Variants in HAS1 observed in about 807,000 individuals in gnomAD.
HAS1 encodes hyaluronan synthase 1.
HAS1 carries 27 observed loss-of-function variants against 35.0 expected under a neutral mutation model. The observed-to-expected ratio is 0.77, with a 90% CI of 0.57 to 1.06. The LOEUF is 1.06. HAS1 is among the 50% of genes least tolerant of loss of function. The probability of loss-of-function intolerance (pLI) is 0.00; values close to 1 mark genes in which losing one functional copy is unlikely to be tolerated. For synonymous variants in HAS1, 409 were observed against 371.2 expected, an observed-to-expected ratio of 1.10 and a Z score of -1.17; for missense variants, 940 against 814.8, an observed-to-expected ratio of 1.15 and a Z score of -1.87.
At chr19:51,714,143 C>G in intron 4 of HAS1, 41 bp from the exon 5 acceptor site, 1 of 1,581,940 alleles carries the variant, frequency 6.3e-7, no homozygotes, top group East Asian at 2.3e-5. Flanking sequence ...CGCGTGCTCC[C>G]TGGGGCCTGG....
chr19:51,722,200 A>G (rs924726451), intron 1 of HAS1, among the ~76,000 whole-genome samples: 9 of 152,214 alleles, frequency 5.9e-5, no homozygotes, highest in Non-Finnish European at 1.0e-4. Context: ...AAATGCAGCC[A>G]GTATCACCGA....
chr19:51,723,008 G>A (rs1463693082), intron 1 of HAS1, among the ~76,000 whole-genome samples: 8 of 152,020 alleles, frequency 5.3e-5, no homozygotes. Context: ...CTTTCTTCTC[G>A]AATCCCCCTT....
Position 51,719,646 on chromosome 19 carries a change from GC to G in HAS1, c.258del (p.Pro87ArgfsTer12). On this transcript the variant is annotated frameshift_variant, in exon 2 of 5. Coordinates refer to ENST00000540069, the MANE Select transcript of HAS1 (RefSeq NM_001297436.2). LOFTEE classifies it high-confidence loss of function. ...CTGCGCGCGGTGGCTGCATCCAGCG[GC>G]CCCCGCGCCGCCGCCGCCACCCGCC... ...EHRRVAAAAR[G>X]PLDAATARSV... 1 of 1,537,526 alleles carries G rather than the reference GC, an allele frequency of 6.5e-7. No homozygotes were observed. The highest frequency in any genetic ancestry group is 1.4e-5 in the African/African-American group (1 of 72,130).
Position 51,719,906 on chromosome 19 carries a change from C to T in HAS1, c.10-11G>A, listed in dbSNP as rs750030433. On this transcript the variant is annotated splice_polypyrimidine_tract_variant and intron_variant, in intron 1 of 4. Transcript: ENST00000540069. ...GGGCTTGGGCGCGTCCTGCTGGGAG[C>T]GAGAGGGGAAAGGAAGGGGCATGAG... 2.0e-6 allele frequency: 3 copies of T among 1,520,442 alleles called. No homozygotes were observed. Among genetic ancestry groups the T allele is most frequent in the South Asian group, 2.4e-5 (2 of 82,710 alleles). The allele number at this position is 1,520,442 out of a possible 1,614,324, so 94.2% of individuals were successfully genotyped here. A position where few individuals can be genotyped will look rare whatever the true frequency, so the allele number is the denominator to read the frequency against.
rs774723725 is a variant in HAS1, at chr19:51,713,773, T to C, written c.1388A>G (p.Tyr463Cys). The change falls in exon 5 of 5, where the codon TAC becomes TGC. Residue 463 changes from tyrosine to cysteine, a missense_variant. Physicochemically the swap from Tyr to Cys is radical, Grantham distance 194. Transcript: ENST00000540069. The surrounding 1 kb of genome is among the most constrained non-coding windows in gnomAD (Gnocchi z 4.5). ...GCLRMVLLSLYAPLYMCGLLP... is the reference protein window; with the variant it reads ...GCLRMVLLSLCAPLYMCGLLP... ...GAGGCCACACATGTAGAGGGGCGCGTAGAGCGACAGAAGCACCATGCGCAG... is the reference window on the plus strand; with the variant it reads ...GAGGCCACACATGTAGAGGGGCGCGCAGAGCGACAGAAGCACCATGCGCAG... 4 of 1,604,990 alleles carry C rather than the reference T, an allele frequency of 2.5e-6. No homozygotes were observed. The highest frequency in any genetic ancestry group is 2.3e-5 in the East Asian group (1 of 44,390).
chr19:51,713,576 T>TC lies in HAS1; in HGVS notation c.1584dup (p.Ser529GlufsTer138). 1 of 1,567,304 alleles carries TC rather than the reference T, an allele frequency of 6.4e-7. No individual in the cohort carries two copies. The highest frequency in any genetic ancestry group is 1.2e-5 in the South Asian group (1 of 86,916). On this transcript the variant is annotated frameshift_variant, in exon 5 of 5. Transcript: ENST00000540069. LOFTEE classifies it low-confidence loss of function (END_TRUNC). This position sits in a 1 kb window ranked among gnomAD's most constrained non-coding sequence, Gnocchi z 4.5. ...GCCTCGGCTGCGCGGGAAGGGCCGC[T>TC]CCAGTCGGCCCTGGCCTCGTGTGCT... is the stretch of plus-strand genomic sequence containing the variant.
In HAS1 at chr19:51,716,335, T is replaced by G; in HGVS notation, c.979A>C (p.Lys327Gln). ...QQFLEAWYNQ[K>Q]FLGTHCTFGD... The stretch of plus-strand genomic sequence containing the variant: ...AAAGTACAGTGGGTACCCAGGAACT[T>G]CTGGTTGTACCAGGCCTCAAGAAAC... The change falls in exon 4 of 5, where the codon AAG (lysine) becomes CAG (glutamine). Residue 327 changes from lysine to glutamine, a missense_variant. Coordinates refer to ENST00000540069, the MANE Select transcript of HAS1 (RefSeq NM_001297436.2). 6.2e-7 allele frequency: 1 copy of G among 1,613,790 alleles called. No individual in the cohort carries two copies. Among genetic ancestry groups the G allele is most frequent in the South Asian group, 1.1e-5 (1 of 91,078 alleles).
intron 1 of HAS1, among the ~76,000 whole-genome samples, chr19:51,721,738 C>G (rs112341682): frequency 8.9e-4 from 135 of 152,182 alleles, no homozygotes; most frequent in African/African-American, 3.2e-3. Flanking sequence ...TACACTTCAG[C>G]CTGGGTGACA....
At chr19:51,717,625 C>A (rs2083596359) in intron 2 of HAS1, among the ~76,000 whole-genome samples, 1 of 152,238 alleles carries the variant, frequency 6.6e-6, no homozygotes, top group Non-Finnish European at 1.5e-5. Context: ...CCTTTAAAAG[C>A]AGACCTAGAA....
chr19:51,719,122 A>G (rs919726025), intron 2 of HAS1, 84 bp downstream of exon 2: 1 of 786,444 alleles, frequency 1.3e-6, no homozygotes, highest in Non-Finnish European at 2.0e-6. Context: ...AGAGTCATTC[A>G]AATCTGTACA....
chr19:51,716,922 C>T, intron 3 of HAS1, 46 bp downstream of exon 3: 3 of 1,328,312 alleles, frequency 2.3e-6, no homozygotes, highest in Non-Finnish European at 3.3e-6. Context: ...TTCCCTTCTC[C>T]CTTTCCACCC....
At chr19:51,717,288 T>C (rs2083594249) in intron 2 of HAS1, 95 bp from the exon 3 acceptor site, 1 of 768,188 alleles carries the variant, frequency 1.3e-6, no homozygotes, top group African/African-American at 1.7e-5. Context: ...GCTGGGGCAC[T>C]CTGCAACCGA....
At position 51,713,987 on chromosome 19, in the gene HAS1, A is replaced by C. The variant is rs780675552; in HGVS notation, c.1174T>G (p.Trp392Gly). 6.2e-7 allele frequency: 1 copy of C among 1,613,750 alleles called. No individual in the cohort carries two copies. The highest frequency in any genetic ancestry group is 8.5e-7 in the Non-Finnish European group (1 of 1,180,010). ...YFREWLYNAL[W>G]WHRHHAWMTY... is the part of the protein sequence containing the mutation. ...ATCCACGCATGGTGCCGGTGCCACC[A>C]GAGCGCGTTGTACAGCCACTCACGG... Residue 392 changes from tryptophan (W) to glycine (G), a missense_variant, in exon 5 of 5, where the codon TGG becomes GGG. Trp to Gly is a radical substitution (Grantham distance 184). Coordinates refer to ENST00000540069, the MANE Select transcript of HAS1 (RefSeq NM_001297436.2). This position sits in a 1 kb window ranked among gnomAD's most constrained non-coding sequence, Gnocchi z 4.5.
rs780970564 is a variant in HAS1, at chr19:51,713,564, G to C, written c.1597C>G (p.Arg533Gly). 2 of 1,574,630 alleles carry C rather than the reference G, an allele frequency of 1.3e-6. No individual in the cohort carries two copies. Among genetic ancestry groups the C allele is most frequent in the South Asian group, 2.3e-5 (2 of 87,404 alleles). ...EARADWSGPSRAAEAYHLAAG... is the reference protein window; with the variant it reads ...EARADWSGPSGAAEAYHLAAG... ...GCCAAGTGGTAGGCCTCGGCTGCGC[G>C]GGAAGGGCCGCTCCAGTCGGCCCTG... The change falls in exon 5 of 5, where the codon CGC becomes GGC. Residue 533 changes from arginine (R) to glycine (G), a missense_variant. Physicochemically the swap from Arg to Gly is moderately radical, Grantham distance 125. Coordinates refer to ENST00000540069, the MANE Select transcript of HAS1 (RefSeq NM_001297436.2). The surrounding 1 kb of genome is among the most constrained non-coding windows in gnomAD (Gnocchi z 4.5).
intron 4 of HAS1, 39 bp from the exon 5 acceptor site, chr19:51,714,141 C>G: frequency 6.3e-7 from 1 of 1,586,918 alleles, no homozygotes; most frequent in Non-Finnish European, 8.6e-7. Flanking sequence ...ATCGCGTGCT[C>G]CCTGGGGCCT....
Position 51,719,850 on chromosome 19 carries a change from C to A in HAS1, c.55G>T (p.Ala19Ser). Residue 19 changes from alanine to serine, a missense_variant, in exon 2 of 5, where the codon GCC becomes TCC. By Grantham distance (99) the Ala-to-Ser change is moderately conservative (BLOSUM62 1). Coordinates refer to ENST00000540069, the MANE Select transcript of HAS1 (RefSeq NM_001297436.2). ...AAGGCGATGGTCAGCACCCTCCGGG[C>A]CAGGCCGGAGCAGCGGCAGGCTGCA... The part of the protein sequence containing the change: ...TPAACRCSGL[A>S]RRVLTIAFAL... The A allele has an allele frequency of 6.5e-7, 1 of 1,548,812 alleles. No individual in the cohort carries two copies. Among genetic ancestry groups the A allele is most frequent in the Admixed American group, 1.9e-5 (1 of 51,842 alleles).
At chr19:51,720,183 G>T (rs1037886413) in intron 1 of HAS1, among the ~76,000 whole-genome samples, 1 of 151,114 alleles carries the variant, frequency 6.6e-6, no homozygotes, top group Non-Finnish European at 1.5e-5. Flanking sequence ...CGCCATCTAG[G>T]CTCACTGCAG....
Position 51,719,254 on chromosome 19 carries a change from G to C in HAS1, c.651C>G (p.Val217=). The change falls in exon 2 of 5, where the codon GTC becomes GTG. Residue 217 remains valine, a synonymous_variant. Transcript: ENST00000540069. Reference sequence around the variant, plus strand: ...CGAGCGCCTTGAAGGCTGTGTACATGACCTCGCGCTTGCCGCCCCAGCGCT... The same window carrying C: ...CGAGCGCCTTGAAGGCTGTGTACATCACCTCGCGCTTGCCGCCCCAGCGCT... ...VAQRWGGKRE[V]MYTAFKALGD... The C allele has an allele frequency of 6.2e-7, 1 of 1,607,748 alleles. No homozygotes were observed. The highest frequency in any genetic ancestry group is 8.5e-7 in the Non-Finnish European group (1 of 1,177,492).
Position 51,713,973 on chromosome 19 carries a change from G to T in HAS1, c.1188C>A (p.His396Gln), listed in dbSNP as rs763818520. 2.5e-6 allele frequency: 4 copies of T among 1,613,148 alleles called. No homozygotes were observed. In the African/African-American group the frequency reaches 4.0e-5, roughly 16 times the overall value. Reference protein sequence around the residue: ...WLYNALWWHRHHAWMTYEAVV... With the variant: ...WLYNALWWHRQHAWMTYEAVV... ...CCGCCTCGTAGGTCATCCACGCATG[G>T]TGCCGGTGCCACCAGAGCGCGTTGT... Residue 396 changes from histidine to glutamine, a missense_variant, in exon 5 of 5, where the codon CAC becomes CAA. His to Gln is a conservative substitution (Grantham distance 24). Coordinates refer to ENST00000540069, the MANE Select transcript of HAS1 (RefSeq NM_001297436.2). This position sits in a 1 kb window ranked among gnomAD's most constrained non-coding sequence, Gnocchi z 4.5.
Sources: gnomAD v4.1 joint callset for allele counts (sites outside exome capture counted in the v4.1 genomes callset) on GRCh38, gnomAD v4.1.1 for gene constraint, Gnocchi (gnomAD v3.1) non-coding constraint, MANE v1.5 for transcripts, NCBI Gene and HGNC (gene_info 2026-07-23, HGNC 2026-07-21) for gene names.